Variants in LARGE1 observed in about 807,000 individuals in gnomAD.
LARGE1 encodes xylosyl- and glucuronyltransferase LARGE1.
Under a neutral mutation model 87.6 loss-of-function variants are expected in LARGE1, and 43 were observed. The observed-to-expected ratio is 0.49, with a 90% CI of 0.38 to 0.63. LARGE1 has a LOEUF of 0.63. Among genes scored for constraint, LARGE1 ranks in the 30% least tolerant of loss-of-function variants. The pLI, the probability that LARGE1 is intolerant of heterozygous loss-of-function variation, is 0.00. For synonymous variants in LARGE1, 434 were observed against 394.6 expected (o/e 1.10, Z -1.18); for missense variants, 802 against 1,000.2 (o/e 0.80, Z 2.67).
At chr22:33,089,098 C>T in the LARGE1 span, among the ~76,000 whole-genome samples, 1 of 152,162 alleles carries the variant, frequency 6.6e-6, no homozygotes, top group East Asian at 1.9e-4. Flanking sequence ...TAGGTCATTG[C>T]AACTCCAGAT....
chr22:33,174,509 T>C (rs1221880740), intron 11 of LARGE1, among the ~76,000 whole-genome samples: 1 of 152,076 alleles, frequency 6.6e-6, no homozygotes, highest in Non-Finnish European at 1.5e-5. Flanking sequence ...CCAAAGGAGA[T>C]AGAGGCATGA....
intron 11 of LARGE1, among the ~76,000 whole-genome samples, chr22:33,168,700 C>A (rs1922402649): frequency 1.3e-5 from 2 of 152,156 alleles, no homozygotes; most frequent in South Asian, 4.1e-4. Context: ...ACATAACATT[C>A]CAAGTTTTTT....
At chr22:33,893,665 C>A (rs1391213160) in intron 1 of LARGE1, among the ~76,000 whole-genome samples, 1 of 152,186 alleles carries the variant, frequency 6.6e-6, no homozygotes, top group Non-Finnish European at 1.5e-5. Context: ...CTGTTGAAAT[C>A]AATCATTAAC....
chr22:33,216,687 C>A (rs796386305), intron 11 of LARGE1, among the ~76,000 whole-genome samples: 1 of 151,936 alleles, frequency 6.6e-6, no homozygotes, highest in South Asian at 2.1e-4. Context: ...AATTAATGAT[C>A]ATTTCACCAT....
intron 11 of LARGE1, among the ~76,000 whole-genome samples, chr22:33,249,595 G>A (rs991117944): frequency 3.3e-5 from 5 of 152,022 alleles, no homozygotes; most frequent in Non-Finnish European, 5.9e-5. Context: ...CTTTGTTGTC[G>A]TATCTAAAAG....
chr22:33,497,754 G>C (rs988974945), intron 6 of LARGE1, among the ~76,000 whole-genome samples: 1 of 152,142 alleles, frequency 6.6e-6, no homozygotes, highest in African/African-American at 2.4e-5. Flanking sequence ...ATAAGTAACT[G>C]ATGCTAACGA....
intron 1 of LARGE1, among the ~76,000 whole-genome samples, chr22:33,878,153 T>TTTTTTTTTTTTTTTTTTTTTTTTC (rs2064540400): frequency 7.4e-6 from 1 of 135,914 alleles, no homozygotes; most frequent in Non-Finnish European, 1.6e-5. Context: ...TTTTTTTTTT[T>TTTTTTTTTTTTTTTTTTTTTTTTC]TAGAGACAGA....
chr22:33,145,958 G>A, the LARGE1 span, among the ~76,000 whole-genome samples: 1 of 152,204 alleles, frequency 6.6e-6, no homozygotes, highest in African/African-American at 2.4e-5. Context: ...CAATAAAACA[G>A]GGAGAGAGAG....
intron 1 of LARGE1, among the ~76,000 whole-genome samples, chr22:33,859,028 C>G (rs1333041424): frequency 7.2e-6 from 1 of 138,200 alleles, no homozygotes; most frequent in African/African-American, 2.7e-5. Flanking sequence ...ACATCACACA[C>G]TGGGGCCTGT....
In LARGE1 at chr22:33,179,136, A is replaced by T. The variant is rs139519374; in HGVS notation, c.1731-12304T>A. 3.4e-3 allele frequency among the ~76,000 whole-genome samples: 515 copies of T among 152,276 alleles called. 1 individual carries two copies. Among genetic ancestry groups the T allele is most frequent in the African/African-American group, 0.012 (497 of 41,552 alleles). Reference sequence around the variant, plus strand: ...CTTATCTAATCCTAATTACTTCTCCATTATCCCACCTCCAATCAACATATA... The same window carrying T: ...CTTATCTAATCCTAATTACTTCTCCTTTATCCCACCTCCAATCAACATATA... On this transcript the variant is annotated intron_variant, in intron 11 of 11. Coordinates refer to the LARGE1 transcript ENST00000608642.
intron 11 of LARGE1, among the ~76,000 whole-genome samples, chr22:33,253,678 C>T (rs1179084029): frequency 1.3e-5 from 2 of 152,220 alleles, no homozygotes; most frequent in African/African-American, 2.4e-5. Flanking sequence ...CACCATCGCA[C>T]TCCAGCCTGG....
intron 9 of LARGE1, among the ~76,000 whole-genome samples, chr22:33,367,918 A>C (rs111948032): frequency 0.012 from 1,780 of 152,194 alleles, 22 homozygotes; most frequent in African/African-American, 0.035. Context: ...TAAATTATTT[A>C]TGTTTAGAAC....
intron 10 of LARGE1, chr22:33,321,168 G>A (rs761156813): frequency 9.2e-5 from 14 of 152,210 alleles, no homozygotes; most frequent in Non-Finnish European, 1.2e-4. Flanking sequence ...AGAAAACAGC[G>A]GTTGAAGAAA....
chr22:33,895,469 T>C (rs1168724403), intron 1 of LARGE1, among the ~76,000 whole-genome samples: 1 of 152,200 alleles, frequency 6.6e-6, no homozygotes, highest in Non-Finnish European at 1.5e-5. Flanking sequence ...GGCTTAGCTG[T>C]GTCTATGGTT....
At chr22:33,114,143 T>A in the LARGE1 span, among the ~76,000 whole-genome samples, 1 of 152,060 alleles carries the variant, frequency 6.6e-6, no homozygotes, top group Non-Finnish European at 1.5e-5. Context: ...CCCAAAGTGC[T>A]GGGATTACAG....
At chr22:33,515,635 C>T (rs1322744504) in intron 6 of LARGE1, among the ~76,000 whole-genome samples, 1 of 152,142 alleles carries the variant, frequency 6.6e-6, no homozygotes, top group Non-Finnish European at 1.5e-5. Context: ...AAAAGCTACC[C>T]CAGAAACCCC....
intron 6 of LARGE1, among the ~76,000 whole-genome samples, chr22:33,461,334 C>A (rs1569184170): frequency 6.6e-6 from 1 of 152,120 alleles, no homozygotes; most frequent in Non-Finnish European, 1.5e-5. Context: ...TCCCTAAATT[C>A]TTTCCCTTTC....
At chr22:33,623,705 T>A (rs1475355722) in intron 4 of LARGE1, among the ~76,000 whole-genome samples, 7 of 133,524 alleles carry the variant, frequency 5.2e-5, no homozygotes, top group African/African-American at 1.1e-4. Flanking sequence ...TTAACTGATT[T>A]AAAAAAAAAA....
chr22:33,827,461 G>A (rs955114034), intron 1 of LARGE1, among the ~76,000 whole-genome samples: 2 of 152,072 alleles, frequency 1.3e-5, no homozygotes, highest in Non-Finnish European at 2.9e-5. Flanking sequence ...TTTGGCACAT[G>A]GACTGCAAAA....
Sources: allele counts gnomAD v4.1 joint callset (sites outside exome capture counted in the v4.1 genomes callset), GRCh38; gene constraint gnomAD v4.1.1; transcripts MANE v1.5; gene names NCBI Gene and HGNC (gene_info 2026-07-23, HGNC 2026-07-21).